Variants in DNAH11 observed in about 807,000 individuals in gnomAD.
DNAH11 encodes dynein axonemal heavy chain 11, also known as axonemal beta dynein heavy chain 11.
A neutral mutation model predicts 526.0 loss-of-function variants in DNAH11; 442 were observed. The observed-to-expected ratio is 0.84, with a 90% confidence interval of 0.78 to 0.91. The LOEUF (loss-of-function observed/expected upper bound fraction) is 0.91. DNAH11 is among the 40% of genes least tolerant of loss of function. The pLI is 0.00. For synonymous variants in DNAH11, 2,461 were observed against 1,935.9 expected, an observed-to-expected ratio of 1.27 and a Z score of -7.12; for missense variants, 6,989 against 5,448.7, an observed-to-expected ratio of 1.28 and a Z score of -8.90.
intron 44 of DNAH11, among the ~76,000 whole-genome samples, chr7:21,723,800 A>G (rs1009635226): frequency 7.5e-6 from 1 of 132,776 alleles, no homozygotes; most frequent in Admixed American, 9.5e-5. Flanking sequence ...AAGTTCTTTC[A>G]TACCACAGGA....
At chr7:21,619,319 C>T (rs1785930595) in intron 24 of DNAH11, 97 bp downstream of exon 24, 10 of 1,413,498 alleles carry the variant, frequency 7.1e-6, no homozygotes, top group Non-Finnish European at 8.6e-6. Flanking sequence ...TCCTGGGAGC[C>T]TGGAGAGATG....
chr7:21,552,439 C>T (rs962979756), intron 2 of DNAH11, among the ~76,000 whole-genome samples: 1 of 152,172 alleles, frequency 6.6e-6, no homozygotes, highest in Non-Finnish European at 1.5e-5. Context: ...TTCTTCGCTT[C>T]CCTTTACTAA....
chr7:21,601,165 A>T lies in DNAH11; in HGVS notation c.3411A>T (p.Arg1137Ser). Residue 1137 changes from arginine to serine, a missense_variant, in exon 17 of 82, where the codon AGA (arginine) becomes AGT (serine). By Grantham distance (110) the Arg-to-Ser change is moderately radical. Transcript: ENST00000409508. ...WSWMFQEHLLRFVIDSLNELQ... is the reference protein window; with the variant it reads ...WSWMFQEHLLSFVIDSLNELQ... ...GGATGTTTCAGGAGCATCTTTTGAG[A>T]TTTGTCATTGACAGGTAGCCTTTTA... 3.8e-6 allele frequency: 6 copies of T among 1,599,586 alleles called. No individual in the cohort carries two copies. The highest frequency in any genetic ancestry group is 5.1e-6 in the Non-Finnish European group (6 of 1,176,786).
chr7:21,900,531 TCTAAGAGGGGGTTAGA>T (rs1784747841), intron 81 of DNAH11, among the ~76,000 whole-genome samples: 1 of 152,180 alleles, frequency 6.6e-6, no homozygotes. Flanking sequence ...AGGGTGAATC[TCTAAGAGGGGGTTAGA>T]CTATGCAATA....
chr7:21,887,878 G>C (rs956851975), intron 76 of DNAH11, among the ~76,000 whole-genome samples: 1 of 152,124 alleles, frequency 6.6e-6, no homozygotes, highest in Non-Finnish European at 1.5e-5. Flanking sequence ...AGGTCAAGCA[G>C]CTGAACCAGA....
chr7:21,718,027 T>C, intron 43 of DNAH11, 102 bp downstream of exon 43: 3 of 1,461,760 alleles, frequency 2.1e-6, no homozygotes, highest in Non-Finnish European at 2.7e-6. Context: ...AGTGAGAAGA[T>C]TTCTGGAATT....
chr7:21,685,637 G>C (rs74586036), intron 32 of DNAH11, among the ~76,000 whole-genome samples: 4,077 of 152,270 alleles, frequency 0.027, 81 homozygotes, highest in South Asian at 0.042. Context: ...TGGGTTCAGA[G>C]ACTTAAGTCA....
intron 65 of DNAH11, among the ~76,000 whole-genome samples, chr7:21,832,263 C>G (rs1261750468): frequency 6.6e-6 from 1 of 152,148 alleles, no homozygotes; most frequent in East Asian, 1.9e-4. Flanking sequence ...GATGCAGTTT[C>G]TTCATATGTC....
At position 21,690,862 on chromosome 7, in the gene DNAH11, A is replaced by G. The variant is rs1224152208; in HGVS notation, c.6022A>G (p.Asn2008Asp). ...GYAGRTELPENLKALFRPCAM... is the reference protein window; with the variant it reads ...GYAGRTELPEDLKALFRPCAM... ...TGCTGGTCGAACCGAATTACCGGAA[A>G]ATCTCAAAGCTCTTTTCAGGCAAGT... The change falls in exon 35 of 82, where the codon AAT (asparagine) becomes GAT (aspartate). Residue 2008 changes from asparagine to aspartate, a missense_variant. Transcript: ENST00000409508. 2 of 1,612,436 alleles carry G rather than the reference A, an allele frequency of 1.2e-6. No homozygotes were observed. Among genetic ancestry groups the G allele is most frequent in the African/African-American group, 1.3e-5 (1 of 74,864 alleles).
chr7:21,644,772 A>C (rs537897110), intron 28 of DNAH11, among the ~76,000 whole-genome samples: 1 of 152,212 alleles, frequency 6.6e-6, no homozygotes, highest in African/African-American at 2.4e-5. Flanking sequence ...ATGACTTATG[A>C]ATATGTAATA....
At chr7:21,663,439 C>T (rs139624315) in intron 30 of DNAH11, among the ~76,000 whole-genome samples, 11 of 152,212 alleles carry the variant, frequency 7.2e-5, no homozygotes, top group South Asian at 2.1e-4. Context: ...TATATTCTCA[C>T]GAAGAATGTA....
chr7:21,620,041 C>T lies in DNAH11; in HGVS notation c.4463C>T (p.Ser1488Phe), dbSNP rs200581574. The change falls in exon 25 of 82, where the codon TCT becomes TTT. Residue 1488 changes from serine (S) to phenylalanine (F), a missense_variant. Transcript: ENST00000409508. The part of the protein sequence containing the change: ...HYRTGIPLLK[S>F]DEQLFETLEH... The stretch of plus-strand genomic sequence containing the variant: ...CGAACAGGCATTCCATTACTAAAGT[C>T]TGATGAACAACTTTTTGAAACTCTA... 2.2e-4 allele frequency: 349 copies of T among 1,605,864 alleles called. 2 individuals are homozygous for T. In the African/African-American group the frequency reaches 4.4e-3, roughly 20 times the overall value.
At chr7:21,657,018 G>C (rs1315625466) in intron 29 of DNAH11, among the ~76,000 whole-genome samples, 1 of 152,198 alleles carries the variant, frequency 6.6e-6, no homozygotes, top group Non-Finnish European at 1.5e-5. Context: ...TAGTCCAATT[G>C]ATGGATGTGG....
chr7:21,715,320 T>G (rs1169766464), intron 42 of DNAH11, among the ~76,000 whole-genome samples: 2 of 152,248 alleles, frequency 1.3e-5, no homozygotes, highest in Non-Finnish European at 2.9e-5. Flanking sequence ...AGACTTCACT[T>G]GATAAACCTG....
At chr7:21,816,407 T>G in intron 63 of DNAH11, 60 bp from the exon 64 acceptor site, 1 of 1,343,262 alleles carries the variant, frequency 7.4e-7, no homozygotes. Flanking sequence ...TCTTCTTTTC[T>G]TGTCTGTCTT....
rs200466467 is a variant in DNAH11 at position 21,901,012 on chromosome 7, C to T, written c.13309C>T (p.Arg4437Cys). ...CCGCTGTGTTTTTGCCATAGGCGCCCGCTGGGACACCCAAGCAGGAACCAT... is the reference window on the plus strand; with the variant it reads ...CCGCTGTGTTTTTGCCATAGGCGCCTGCTGGGACACCCAAGCAGGAACCAT... ...YLHGLFMEGA[R>C]WDTQAGTIVE... Residue 4437 changes from arginine to cysteine, a missense_variant, in exon 82 of 82, where the codon CGC becomes TGC. Arg to Cys is a radical substitution (Grantham distance 180). Transcript: ENST00000409508. 274 of 1,591,692 alleles carry T rather than the reference C, an allele frequency of 1.7e-4. No homozygotes were observed. The highest frequency in any genetic ancestry group is 1.0e-3 in the East Asian group (45 of 44,512).
chr7:21,872,087 G>A (rs963793557), intron 73 of DNAH11, among the ~76,000 whole-genome samples: 3 of 131,496 alleles, frequency 2.3e-5, no homozygotes, highest in Non-Finnish European at 4.6e-5. Flanking sequence ...TCGCACCACT[G>A]CACTCCAGCC....
intron 74 of DNAH11, among the ~76,000 whole-genome samples, chr7:21,873,774 G>A (rs966624735): frequency 1.4e-5 from 2 of 139,842 alleles, no homozygotes; most frequent in Non-Finnish European, 3.0e-5. Context: ...GTAACTTCTT[G>A]AGGAGGTTGC....
Position 21,801,233 on chromosome 7 carries a change from A to C in DNAH11, c.10123A>C (p.Thr3375Pro). The change falls in exon 62 of 82, where the codon ACC becomes CCC. Residue 3375 changes from threonine to proline, a missense_variant. Coordinates refer to ENST00000409508, the MANE Select transcript of DNAH11 (RefSeq NM_001277115.2). Reference sequence around the variant, plus strand: ...AGAAGAGGTGAACCAAACCAACAAAACCATCAAATTAGCTAACAGACTTGT... The same window carrying C: ...AGAAGAGGTGAACCAAACCAACAAACCCATCAAATTAGCTAACAGACTTGT... ...CQEEVNQTNK[T>P]IKLANRLVKE... The C allele has an allele frequency of 6.2e-7, 1 of 1,613,872 alleles. No individual in the cohort carries two copies.
Sources: gnomAD v4.1 joint callset for allele counts (sites outside exome capture counted in the v4.1 genomes callset) on GRCh38, gnomAD v4.1.1 for gene constraint, MANE v1.5 for transcripts, NCBI Gene and HGNC (gene_info 2026-07-23, HGNC 2026-07-21) for gene names.